Variants in FCHO2 observed in about 807,000 individuals in gnomAD.
FCHO2 encodes the protein F-BAR domain only protein 2.
In FCHO2, 43 loss-of-function variants were observed where a neutral mutation model predicts 114.1. That is an observed-to-expected ratio of 0.38 (90% CI 0.30 to 0.49). FCHO2 has a LOEUF of 0.49. FCHO2 is among the 20% of genes least tolerant of loss of function. FCHO2 has a pLI of 0.97. For synonymous variants in FCHO2, 293 were observed against 315.2 expected (o/e 0.93, Z 0.75); for missense variants, 807 against 950.4 (o/e 0.85, Z 1.98).
intron 14 of FCHO2, 114 bp downstream of exon 14, chr5:73,054,285 T>C (rs992397771): frequency 3.8e-5 from 38 of 987,442 alleles, no homozygotes; most frequent in Non-Finnish European, 5.6e-5. Flanking sequence ...TTTTAGTGTT[T>C]TGTTGTAGAT....
At chr5:72,997,415 A>G in intron 5 of FCHO2, 1 of 1,600,526 alleles carries the variant, frequency 6.2e-7, no homozygotes, top group East Asian at 2.2e-5. Flanking sequence ...GGGCAGCTAC[A>G]TCAAGGACCT....
chr5:72,967,334 G>A (rs1752257176), intron 1 of FCHO2, among the ~76,000 whole-genome samples: 2 of 152,034 alleles, frequency 1.3e-5, no homozygotes, highest in African/African-American at 4.8e-5. Context: ...CTAGCACATA[G>A]CCTCTTCTCT....
chr5:72,990,885 A>T (rs182572600), intron 5 of FCHO2, 21 bp downstream of exon 5: 2 of 1,526,710 alleles, frequency 1.3e-6, no homozygotes, highest in South Asian at 1.3e-5. Flanking sequence ...TAAAAATTAC[A>T]TATCTGTGGT....
chr5:73,068,581 A>G, intron 18 of FCHO2, 69 bp from the exon 19 acceptor site: 1 of 1,538,944 alleles, frequency 6.5e-7, no homozygotes, highest in South Asian at 1.3e-5. Context: ...TTTACCTCAT[A>G]CTTAAAAATC....
intron 22 of FCHO2, 73 bp downstream of exon 22, chr5:73,078,385 G>C: frequency 1.5e-6 from 2 of 1,321,510 alleles, no homozygotes; most frequent in Non-Finnish European, 2.1e-6. Flanking sequence ...AAATGAATAA[G>C]TATGTCATAG....
intron 8 of FCHO2, among the ~76,000 whole-genome samples, chr5:73,031,123 T>A (rs1198697808): frequency 6.6e-6 from 1 of 152,226 alleles, no homozygotes; most frequent in Non-Finnish European, 1.5e-5. Context: ...CTTTTTTGTG[T>A]TAGCTTGCCT....
At chr5:72,968,306 T>C (rs1335234268) in intron 1 of FCHO2, among the ~76,000 whole-genome samples, 192 bp from the exon 2 acceptor site, 1 of 152,216 alleles carries the variant, frequency 6.6e-6, no homozygotes, top group Non-Finnish European at 1.5e-5. Flanking sequence ...TATGTATATA[T>C]AGTTAATTGT....
At chr5:73,046,921 G>A in intron 11 of FCHO2, among the ~76,000 whole-genome samples, 1 of 152,156 alleles carries the variant, frequency 6.6e-6, no homozygotes, top group Non-Finnish European at 1.5e-5. Context: ...CTAACCTTGT[G>A]TTGTGCCTGC....
intron 5 of FCHO2, among the ~76,000 whole-genome samples, chr5:72,998,334 C>T (rs946212527): frequency 2.1e-4 from 32 of 151,666 alleles, no homozygotes; most frequent in African/African-American, 7.3e-4. Flanking sequence ...AAAAATACAA[C>T]AAATTAGCCA....
At chr5:73,020,924 G>T in intron 8 of FCHO2, 2 of 1,502,626 alleles carry the variant, frequency 1.3e-6, no homozygotes, top group Non-Finnish European at 1.9e-6. Flanking sequence ...AAATCATATA[G>T]TCGAAAAGCA....
intron 25 of FCHO2, 24 bp downstream of exon 25, chr5:73,087,777 T>C: frequency 1.3e-6 from 2 of 1,542,598 alleles, no homozygotes; most frequent in Non-Finnish European, 1.7e-6. Flanking sequence ...TTTCAAACTT[T>C]TTAATGTACA....
intron 24 of FCHO2, among the ~76,000 whole-genome samples, chr5:73,085,000 A>G (rs752414410): frequency 9.9e-5 from 15 of 152,252 alleles, no homozygotes; most frequent in African/African-American, 1.9e-4. Context: ...TTTTTCCCCA[A>G]TATAATGAAA....
intron 5 of FCHO2, among the ~76,000 whole-genome samples, chr5:73,005,696 T>C (rs912239329): frequency 6.6e-6 from 1 of 152,194 alleles, no homozygotes; most frequent in Non-Finnish European, 1.5e-5. Context: ...CTTTCTCAAA[T>C]GCCTATCTTC....
At chr5:73,002,219 G>A (rs1754484409) in intron 5 of FCHO2, among the ~76,000 whole-genome samples, 1 of 152,110 alleles carries the variant, frequency 6.6e-6, no homozygotes, top group African/African-American at 2.4e-5. Context: ...AAGCCTTAAT[G>A]GTTTTATCCC....
chr5:72,983,286 C>T (rs752274666), intron 2 of FCHO2, among the ~76,000 whole-genome samples: 6 of 152,044 alleles, frequency 3.9e-5, no homozygotes, highest in East Asian at 1.9e-4. Flanking sequence ...ATACATGTGC[C>T]GTGGTGGTTT....
At chr5:73,066,628 T>C (rs1395432067) in intron 18 of FCHO2, among the ~76,000 whole-genome samples, 1 of 145,186 alleles carries the variant, frequency 6.9e-6, no homozygotes, top group African/African-American at 2.5e-5. Context: ...TGGAGAGAGC[T>C]CATAGCTTTC....
chr5:73,016,385 G>GATTTTAAATTGTTTAAATATTAAAAA (rs1755313634), intron 7 of FCHO2, among the ~76,000 whole-genome samples: 1 of 132,334 alleles, frequency 7.6e-6, no homozygotes, highest in Non-Finnish European at 1.6e-5. Context: ...TATTAAAAAA[G>GATTTTAAATTGTTTAAATATTAAAAA]ATTTTAAATT....
At chr5:73,082,848 A>G (rs1472590992) in intron 24 of FCHO2, 23 bp downstream of exon 24, 1 of 1,533,386 alleles carries the variant, frequency 6.5e-7, no homozygotes, top group Non-Finnish European at 8.8e-7. Flanking sequence ...GTCCTTTTTT[A>G]TTTATAAAAT....
At chr5:73,062,712 G>A (rs1366550459) in intron 17 of FCHO2, among the ~76,000 whole-genome samples, 3 of 151,814 alleles carry the variant, frequency 2.0e-5, no homozygotes, top group African/African-American at 4.8e-5. Context: ...GATTCCCTAC[G>A]TCCCATGCAT....
Sources: allele counts gnomAD v4.1 joint callset (sites outside exome capture counted in the v4.1 genomes callset), GRCh38; gene constraint gnomAD v4.1.1; transcripts MANE v1.5; gene names NCBI Gene and HGNC (gene_info 2026-07-23, HGNC 2026-07-21).